Variants in VWA3B observed in about 807,000 individuals in gnomAD.
VWA3B encodes the protein von Willebrand factor A domain-containing protein 3B.
Under a neutral mutation model 158.3 loss-of-function variants are expected in VWA3B, and 138 were observed. The ratio of observed to expected loss-of-function variants is 0.87; its 90% confidence interval spans 0.76 to 1.00. The LOEUF is 1.00. Ranked by LOEUF, VWA3B falls within the 50% of genes least tolerant of loss-of-function variation. The pLI, the probability that VWA3B is intolerant of heterozygous loss-of-function variation, is 0.00. For synonymous variants in VWA3B, 596 were observed against 587.3 expected (o/e 1.01, Z -0.21); for missense variants, 1,555 against 1,565.1 (o/e 0.99, Z 0.11).
rs797001684 is a variant in VWA3B, at chr2:98,224,759, A to AC, written c.2020-3443_2020-3442insC. Among the ~76,000 whole-genome samples, 51 of 151,934 alleles carry AC rather than the reference A, an allele frequency of 3.4e-4. 1 individual carries two copies. In the South Asian group the frequency reaches 0.011, roughly 32 times the overall value. The stretch of plus-strand genomic sequence containing the variant: ...AGATACTGGCAGTGTGAATTAAAAA[A>AC]AAAAAAAGAACACAACCAAACTATG... On this transcript the variant is annotated intron_variant, in intron 14 of 27. Transcript: ENST00000477737.
intron 1 of VWA3B, among the ~76,000 whole-genome samples, chr2:98,091,305 G>T (rs376190409): frequency 6.6e-6 from 1 of 152,154 alleles, no homozygotes; most frequent in Non-Finnish European, 1.5e-5. Context: ...TTAAATCCTC[G>T]AAGCTTGCGA....
chr2:98,310,589 C>G (rs529633451), intron 26 of VWA3B, among the ~76,000 whole-genome samples: 1 of 152,192 alleles, frequency 6.6e-6, no homozygotes, highest in Non-Finnish European at 1.5e-5. Context: ...TTATTCTGCT[C>G]TGGAGAGAGG....
intron 8 of VWA3B, among the ~76,000 whole-genome samples, chr2:98,177,751 T>C (rs1445049680): frequency 2.0e-5 from 3 of 152,118 alleles, no homozygotes; most frequent in Admixed American, 2.0e-4. Context: ...CACTGTGAAG[T>C]TGGAGTCAGA....
intron 26 of VWA3B, among the ~76,000 whole-genome samples, chr2:98,309,817 T>G (rs62155347): frequency 0.13 from 19,205 of 152,268 alleles, 1,806 homozygotes; most frequent in Non-Finnish European, 0.19. Context: ...AGCCTCTGTA[T>G]GTCATTAGCT....
At chr2:98,200,688 T>C (rs779283728) in intron 12 of VWA3B, among the ~76,000 whole-genome samples, 18 of 152,242 alleles carry the variant, frequency 1.2e-4, no homozygotes, top group Non-Finnish European at 2.4e-4. Flanking sequence ...TTTTTAATTT[T>C]GATAAAGTCG....
intron 12 of VWA3B, among the ~76,000 whole-genome samples, chr2:98,198,590 G>GATAAATGC (rs1682260531): frequency 6.6e-6 from 1 of 151,628 alleles, no homozygotes; most frequent in South Asian, 2.1e-4. Flanking sequence ...CATGGATTTT[G>GATAAATGC]ATAAATGCAT....
intron 20 of VWA3B, among the ~76,000 whole-genome samples, chr2:98,254,600 T>C (rs1330936922): frequency 2.0e-5 from 3 of 152,308 alleles, no homozygotes; most frequent in East Asian, 3.9e-4. Flanking sequence ...CCGACTCTTT[T>C]TCTATCACTT....
chr2:98,297,841 G>A (rs767427811), intron 23 of VWA3B, 66 bp from the exon 24 acceptor site: 1 of 1,416,518 alleles, frequency 7.1e-7, no homozygotes, highest in Non-Finnish European at 9.3e-7. Flanking sequence ...CCAGAAAGAT[G>A]GCACAAGCCT....
At chr2:98,230,478 C>T (rs1685260265) in intron 16 of VWA3B, among the ~76,000 whole-genome samples, 1 of 152,074 alleles carries the variant, frequency 6.6e-6, no homozygotes, top group Admixed American at 6.5e-5. Context: ...TTATTCAAAT[C>T]GTCCAGTTTT....
intron 9 of VWA3B, among the ~76,000 whole-genome samples, chr2:98,182,534 T>C (rs1680683203): frequency 6.6e-6 from 1 of 152,172 alleles, no homozygotes; most frequent in South Asian, 2.1e-4. Context: ...GCAGGGAAAA[T>C]CTCATTTGTG....
In VWA3B at chr2:98,211,950, C is replaced by A. The variant is rs1263335032; in HGVS notation, c.1758C>A (p.Thr586=). ...CGTAGATTGGAAGCTCCACAAACACCCTGAGTGCCCTGAAAACTGCTTTTG... is the reference window on the plus strand; with the variant it reads ...CGTAGATTGGAAGCTCCACAAACACACTGAGTGCCCTGAAAACTGCTTTTG... ...RDIKIGSSTN[T]LSALKTAFAD... The change falls in exon 13 of 28, where the codon ACC becomes ACA. Residue 586 remains threonine, a synonymous_variant. Transcript: ENST00000477737. 1.9e-6 allele frequency: 3 copies of A among 1,614,020 alleles called. No homozygotes were observed. Among genetic ancestry groups the A allele is most frequent in the Non-Finnish European group, 2.5e-6 (3 of 1,179,984 alleles).
At chr2:98,287,228 G>A (rs964443429) in intron 22 of VWA3B, among the ~76,000 whole-genome samples, 2 of 152,070 alleles carry the variant, frequency 1.3e-5, no homozygotes, top group African/African-American at 4.8e-5. Flanking sequence ...GCCTATTTCT[G>A]GGTTTTGGAC....
At chr2:98,096,512 A>C (rs1480027417) in intron 2 of VWA3B, among the ~76,000 whole-genome samples, 1 of 151,920 alleles carries the variant, frequency 6.6e-6, no homozygotes, top group Non-Finnish European at 1.5e-5. Context: ...CAGCTGATCC[A>C]CCTGCCTCGG....
chr2:98,301,367 G>C (rs945175168), intron 25 of VWA3B, among the ~76,000 whole-genome samples: 1 of 151,876 alleles, frequency 6.6e-6, no homozygotes, highest in African/African-American at 2.4e-5. Flanking sequence ...TTTATTGGTT[G>C]TCTGACCTGA....
At chr2:98,158,338 G>A (rs778754215) in intron 7 of VWA3B, among the ~76,000 whole-genome samples, 2 of 152,144 alleles carry the variant, frequency 1.3e-5, no homozygotes, top group Non-Finnish European at 2.9e-5. Context: ...GCAAGTGCCC[G>A]AGCACTGCAG....
intron 5 of VWA3B, among the ~76,000 whole-genome samples, chr2:98,127,739 C>T (rs1675495624): frequency 1.3e-5 from 2 of 152,148 alleles, no homozygotes; most frequent in African/African-American, 2.4e-5. Flanking sequence ...CACCCCAGCT[C>T]CGGGCGTGTG....
At chr2:98,201,358 C>T (rs1232007606) in intron 12 of VWA3B, among the ~76,000 whole-genome samples, 1 of 152,130 alleles carries the variant, frequency 6.6e-6, no homozygotes, top group African/African-American at 2.4e-5. Flanking sequence ...TTTGACCTTG[C>T]TAATCTTACT....
intron 25 of VWA3B, among the ~76,000 whole-genome samples, chr2:98,301,332 A>G (rs1328842201): frequency 1.3e-5 from 2 of 152,054 alleles, no homozygotes; most frequent in African/African-American, 4.8e-5. Flanking sequence ...CCTGTGTTTG[A>G]ATTATATGAA....
chr2:98,281,101 C>T (rs1364756733), intron 22 of VWA3B, among the ~76,000 whole-genome samples: 1 of 152,208 alleles, frequency 6.6e-6, no homozygotes, highest in African/African-American at 2.4e-5. Flanking sequence ...TTTCTATTTT[C>T]CTGTAAGCTC....
Sources: gnomAD v4.1 joint callset for allele counts (sites outside exome capture counted in the v4.1 genomes callset) on GRCh38, gnomAD v4.1.1 for gene constraint, MANE v1.5 for transcripts, NCBI Gene and HGNC (gene_info 2026-07-23, HGNC 2026-07-21) for gene names.